PTPRD: variants seen among roughly 807,000 people sequenced by gnomAD.
PTPRD encodes the protein protein tyrosine phosphatase receptor type D, also known as receptor-type tyrosine-protein phosphatase delta.
In PTPRD, 34 loss-of-function variants were observed where a neutral mutation model predicts 214.5. The ratio of observed to expected loss-of-function variants is 0.16; its 90% CI spans 0.12 to 0.21. The LOEUF (loss-of-function observed/expected upper bound fraction) is 0.21, where lower values mean the gene tolerates loss of function less well. PTPRD is among the 10% of genes least tolerant of loss of function. PTPRD has a pLI of 1.00. For missense variants in PTPRD, 2,545 were observed against 2,398.7 expected, an observed-to-expected ratio of 1.06 and a Z score of -1.27; for synonymous variants, 1,128 against 845.7, an observed-to-expected ratio of 1.33 and a Z score of -5.79.
intron 3 of PTPRD, among the ~76,000 whole-genome samples, chr9:10,181,720 G>T (rs2099289826): frequency 6.6e-6 from 1 of 151,210 alleles, no homozygotes; most frequent in Middle Eastern, 3.5e-3. Context: ...ATAATCTATG[G>T]CAAGGTGAAC....
At chr9:8,957,464 T>C (rs560133109) in intron 11 of PTPRD, among the ~76,000 whole-genome samples, 1 of 151,938 alleles carries the variant, frequency 6.6e-6, no homozygotes, top group Admixed American at 6.6e-5. Flanking sequence ...GTTCTGTTTT[T>C]GAAATGCTGA....
chr9:9,946,789 A>C (rs147249089), intron 4 of PTPRD, among the ~76,000 whole-genome samples: 49 of 152,208 alleles, frequency 3.2e-4, no homozygotes, highest in African/African-American at 1.1e-3. Flanking sequence ...CTCATGCCTA[A>C]AATATCAAGG....
intron 3 of PTPRD, among the ~76,000 whole-genome samples, chr9:10,316,504 C>A (rs1198319874): frequency 6.6e-6 from 1 of 151,750 alleles, no homozygotes; most frequent in South Asian, 2.1e-4. Flanking sequence ...TAACAGAAAA[C>A]AAAAAGAAAA....
intron 5 of PTPRD, among the ~76,000 whole-genome samples, chr9:9,860,333 T>C (rs541302794): frequency 1.3e-5 from 2 of 152,332 alleles, no homozygotes; most frequent in South Asian, 2.1e-4. Flanking sequence ...TAAAGGACAA[T>C]TGAACTATGT....
chr9:10,466,466 A>G (rs1258381827), intron 2 of PTPRD, among the ~76,000 whole-genome samples: 1 of 151,868 alleles, frequency 6.6e-6, no homozygotes, highest in Non-Finnish European at 1.5e-5. Context: ...TCTACTAAAA[A>G]TACAAAATTG....
rs146221175 is a variant in PTPRD, at chr9:9,953,135, A to T, written c.-471-14525T>A. Among the ~76,000 whole-genome samples, 744 of 152,276 alleles carry T rather than the reference A, an allele frequency of 4.9e-3. 3 individuals carry two copies. The highest frequency in any genetic ancestry group is 5.5e-3 in the Non-Finnish European group (371 of 68,010). ...TCCATTTTGTTCATACAGAACCAAA[A>T]TGGATGGTTAATTCTGTGTGTCAAC... On this transcript the variant is annotated intron_variant, in intron 4 of 45. Transcript: ENST00000381196.
intron 5 of PTPRD, among the ~76,000 whole-genome samples, chr9:9,863,234 C>G (rs1290186966): frequency 6.6e-6 from 1 of 152,056 alleles, no homozygotes; most frequent in Non-Finnish European, 1.5e-5. Context: ...GGTTCACGGA[C>G]TAAGACAAAG....
intron 9 of PTPRD, among the ~76,000 whole-genome samples, chr9:9,297,119 CA>C: frequency 6.6e-6 from 1 of 151,814 alleles, no homozygotes; most frequent in East Asian, 1.9e-4. Context: ...GGATGAGAGT[CA>C]GGGGCCACAG....
At chr9:10,125,621 A>AG (rs2098812480) in intron 3 of PTPRD, among the ~76,000 whole-genome samples, 3 of 82,094 alleles carry the variant, frequency 3.7e-5, no homozygotes, top group Non-Finnish European at 8.3e-5. Flanking sequence ...CGCTCGGCTA[A>AG]TTGTGTGTGT....
At chr9:9,867,443 T>A (rs1281200915) in intron 5 of PTPRD, among the ~76,000 whole-genome samples, 1 of 151,964 alleles carries the variant, frequency 6.6e-6, no homozygotes, top group Non-Finnish European at 1.5e-5. Context: ...TTCAAGATAT[T>A]CTGCATGATT....
intron 7 of PTPRD, among the ~76,000 whole-genome samples, chr9:9,730,185 A>G (rs1475132544): frequency 6.6e-6 from 1 of 152,108 alleles, no homozygotes; most frequent in Non-Finnish European, 1.5e-5. Flanking sequence ...ACAATACTAC[A>G]TTTGAATTAA....
chr9:9,348,042 G>A (rs1569567584), intron 9 of PTPRD, among the ~76,000 whole-genome samples: 1 of 152,060 alleles, frequency 6.6e-6, no homozygotes, highest in Non-Finnish European at 1.5e-5. Flanking sequence ...CATCTACTTT[G>A]TTTAAAAAAG....
chr9:10,103,395 T>TATATATATATATATATCTATATATATA (rs34926923), intron 3 of PTPRD, among the ~76,000 whole-genome samples: 2 of 116,730 alleles, frequency 1.7e-5, no homozygotes, highest in East Asian at 3.0e-4. Flanking sequence ...ATATATATAT[T>TATATATATATATATATCTATATATATA]TATTTAAGAG....
intron 11 of PTPRD, among the ~76,000 whole-genome samples, chr9:8,795,853 C>A (rs764487197): frequency 6.6e-6 from 1 of 152,078 alleles, no homozygotes; most frequent in African/African-American, 2.4e-5. Flanking sequence ...TTAATATACT[C>A]TCATTTTGAA....
At chr9:10,180,028 T>C (rs1392150448) in intron 3 of PTPRD, among the ~76,000 whole-genome samples, 2 of 150,910 alleles carry the variant, frequency 1.3e-5, no homozygotes, top group Non-Finnish European at 3.0e-5. Flanking sequence ...TAAATATTAG[T>C]AGGCTAATCA....
At chr9:10,546,315 T>G (rs921551900) in intron 2 of PTPRD, among the ~76,000 whole-genome samples, 1 of 152,076 alleles carries the variant, frequency 6.6e-6, no homozygotes, top group Non-Finnish European at 1.5e-5. Context: ...AACATTTTCC[T>G]CATGTCTCCA....
chr9:10,478,820 A>G (rs1314599461), intron 2 of PTPRD, among the ~76,000 whole-genome samples: 1 of 151,782 alleles, frequency 6.6e-6, no homozygotes, highest in Non-Finnish European at 1.5e-5. Flanking sequence ...TGAATGTTGC[A>G]TTTCCCTTAT....
At chr9:10,331,341 A>G (rs2096746766) in intron 3 of PTPRD, among the ~76,000 whole-genome samples, 1 of 151,788 alleles carries the variant, frequency 6.6e-6, no homozygotes, top group Admixed American at 6.6e-5. Flanking sequence ...CTATTAATAG[A>G]AGCTTGTCTA....
chr9:8,600,141 C>G (rs1327542946), intron 14 of PTPRD, among the ~76,000 whole-genome samples: 1 of 152,164 alleles, frequency 6.6e-6, no homozygotes, highest in Non-Finnish European at 1.5e-5. Flanking sequence ...CAACTCAGTG[C>G]TGCCCTCTCA....
Sources: allele counts gnomAD v4.1 joint callset (sites outside exome capture counted in the v4.1 genomes callset), GRCh38; gene constraint gnomAD v4.1.1; transcripts MANE v1.5; gene names NCBI Gene and HGNC (gene_info 2026-07-23, HGNC 2026-07-21).